Variants in GRID2 observed in about 807,000 individuals in gnomAD.
GRID2 encodes glutamate ionotropic receptor delta type subunit 2.
A neutral mutation model predicts 114.8 loss-of-function variants in GRID2; 33 were observed. The ratio of observed to expected loss-of-function variants is 0.29; its 90% CI spans 0.22 to 0.38. The LOEUF (loss-of-function observed/expected upper bound fraction) is 0.38. GRID2 is among the 10% of genes least tolerant of loss of function. The pLI, the probability that GRID2 is intolerant of heterozygous loss-of-function variation, is 1.00. For missense variants in GRID2, 1,184 were observed against 1,257.7 expected (o/e 0.94, Z 0.89); for synonymous variants, 505 against 449.9 (o/e 1.12, Z -1.55).
At chr4:93,165,133 A>G (rs1328721783) in intron 4 of GRID2, among the ~76,000 whole-genome samples, 1 of 152,060 alleles carries the variant, frequency 6.6e-6, no homozygotes, top group Non-Finnish European at 1.5e-5. Flanking sequence ...AGTGCCTAAT[A>G]CTAGCAATTG....
At chr4:93,783,270 G>A (rs1040518851) in intron 1 of GRID2, among the ~76,000 whole-genome samples, 1 of 152,170 alleles carries the variant, frequency 6.6e-6, no homozygotes, top group Non-Finnish European at 1.5e-5. Context: ...CACTAATTTA[G>A]CAGATTAAAA....
chr4:93,362,323 C>T (rs879561920), intron 8 of GRID2, among the ~76,000 whole-genome samples: 6 of 151,766 alleles, frequency 4.0e-5, no homozygotes, highest in East Asian at 1.9e-4. Flanking sequence ...GAGTTGTTGC[C>T]GGGGGACGGG....
chr4:92,464,832 A>G (rs1249112570), intron 1 of GRID2, among the ~76,000 whole-genome samples: 1 of 152,144 alleles, frequency 6.6e-6, no homozygotes, highest in African/African-American at 2.4e-5. Context: ...GTCCCCACCC[A>G]AATCTCGTGT....
At chr4:93,629,428 CAT>C (rs1181857758) in intron 14 of GRID2, among the ~76,000 whole-genome samples, 26 of 152,152 alleles carry the variant, frequency 1.7e-4, no homozygotes, top group African/African-American at 5.3e-4. Flanking sequence ...TCTTTATACA[CAT>C]GTGCCACATT....
intron 13 of GRID2, among the ~76,000 whole-genome samples, chr4:93,614,059 G>A (rs943716611): frequency 6.6e-6 from 1 of 151,990 alleles, no homozygotes; most frequent in African/African-American, 2.4e-5. Flanking sequence ...TATTCGGGTG[G>A]GAGTGACCCG....
At chr4:92,945,731 T>C (rs986542377) in intron 2 of GRID2, among the ~76,000 whole-genome samples, 1 of 152,132 alleles carries the variant, frequency 6.6e-6, no homozygotes, top group African/African-American at 2.4e-5. Context: ...TTAAATTGGA[T>C]GTTAGTGATT....
chr4:93,286,694 GGTGTGT>G (rs113830718), intron 8 of GRID2, among the ~76,000 whole-genome samples: 6 of 148,278 alleles, frequency 4.0e-5, no homozygotes, highest in South Asian at 2.1e-4. Flanking sequence ...TGTGTGTGGG[GGTGTGT>G]GTGTGTGTGT....
chr4:93,679,711 G>T (rs1215340015), intron 14 of GRID2, among the ~76,000 whole-genome samples: 1 of 151,028 alleles, frequency 6.6e-6, no homozygotes, highest in Admixed American at 6.6e-5. Flanking sequence ...CAGAAATAAA[G>T]ATGTTCTTGG....
intron 8 of GRID2, among the ~76,000 whole-genome samples, chr4:93,274,756 A>G (rs1349298512): frequency 2.6e-5 from 4 of 152,052 alleles, no homozygotes; most frequent in Non-Finnish European, 5.9e-5. Flanking sequence ...CTGCATGGTT[A>G]GAATCTTGAG....
At chr4:92,822,749 C>T (rs1159514852) in intron 2 of GRID2, 1 of 158,748 alleles carries the variant, frequency 6.3e-6, no homozygotes, top group African/African-American at 2.4e-5. Context: ...GGAAATGACC[C>T]TCCAGGGCAT....
chr4:93,710,472 A>G lies in GRID2; in HGVS notation c.2361-58738A>G, dbSNP rs114575145. Among the ~76,000 whole-genome samples the G allele has an allele frequency of 2.6e-3, 395 of 152,234 alleles. 3 individuals are homozygous for G. Among genetic ancestry groups the G allele is most frequent in the African/African-American group, 9.2e-3 (382 of 41,540 alleles). ...ACGGTGAGCTGCTTGATGTTGAGGG[A>G]CGAGTGACACAGCACTGCTGTAGCC... On this transcript the variant is annotated intron_variant, in intron 14 of 15. Transcript: ENST00000282020.
At chr4:93,212,669 C>T (rs1209510314) in intron 5 of GRID2, among the ~76,000 whole-genome samples, 1 of 152,078 alleles carries the variant, frequency 6.6e-6, no homozygotes, top group Non-Finnish European at 1.5e-5. Flanking sequence ...TCTTGATTGA[C>T]TTTACTGGCT....
At chr4:93,018,590 T>C (rs1057073123) in intron 2 of GRID2, among the ~76,000 whole-genome samples, 1 of 152,080 alleles carries the variant, frequency 6.6e-6, no homozygotes, top group Non-Finnish European at 1.5e-5. Context: ...GCCATGAATA[T>C]AAAATAGCAC....
chr4:93,305,227 T>C (rs1755288330), intron 8 of GRID2, among the ~76,000 whole-genome samples: 2 of 152,166 alleles, frequency 1.3e-5, no homozygotes. Context: ...CCTCTAAAGC[T>C]GACTGCAGAA....
intron 2 of GRID2, among the ~76,000 whole-genome samples, chr4:92,757,534 C>T (rs1737784628): frequency 6.6e-6 from 1 of 151,942 alleles, no homozygotes; most frequent in African/African-American, 2.4e-5. Context: ...AAATTTGGAG[C>T]TCAGGGAGAT....
chr4:92,362,642 C>T (rs1042833875), intron 1 of GRID2, among the ~76,000 whole-genome samples: 4 of 151,782 alleles, frequency 2.6e-5, no homozygotes, highest in Non-Finnish European at 5.9e-5. Flanking sequence ...CTTAAACTAA[C>T]CAAAACAAAC....
At chr4:93,193,415 C>T (rs1741184760) in intron 4 of GRID2, among the ~76,000 whole-genome samples, 1 of 152,100 alleles carries the variant, frequency 6.6e-6, no homozygotes, top group East Asian at 1.9e-4. Flanking sequence ...CTGCTGTTCT[C>T]ATGATAGTGA....
At chr4:92,681,714 C>T (rs1733657578) in intron 2 of GRID2, among the ~76,000 whole-genome samples, 1 of 151,930 alleles carries the variant, frequency 6.6e-6, no homozygotes, top group Non-Finnish European at 1.5e-5. Context: ...CGGAATTGTA[C>T]ACAAGAAAGA....
intron 4 of GRID2, among the ~76,000 whole-genome samples, chr4:93,162,997 A>G (rs1737829986): frequency 6.6e-6 from 1 of 151,964 alleles, no homozygotes; most frequent in Admixed American, 6.6e-5. Flanking sequence ...ACTCTTTTGA[A>G]TCTGCTTCTT....
Sources: gnomAD v4.1 joint callset for allele counts (sites outside exome capture counted in the v4.1 genomes callset) on GRCh38, gnomAD v4.1.1 for gene constraint, MANE v1.5 for transcripts, NCBI Gene and HGNC (gene_info 2026-07-23, HGNC 2026-07-21) for gene names.